HIF1A: variants seen among roughly 807,000 people sequenced by gnomAD.
The protein encoded by HIF1A is hypoxia-inducible factor 1-alpha.
A neutral mutation model predicts 92.7 loss-of-function variants in HIF1A; 24 were observed. That is an observed-to-expected ratio of 0.26 (90% confidence interval 0.19 to 0.36). The LOEUF (loss-of-function observed/expected upper bound fraction) is 0.36. HIF1A is among the 10% of genes least tolerant of loss of function. The probability of loss-of-function intolerance (pLI) is 1.00; values close to 1 mark genes in which losing one functional copy is unlikely to be tolerated. For synonymous variants in HIF1A, 319 were observed against 338.7 expected (o/e 0.94, Z 0.64); for missense variants, 799 against 998.5 (o/e 0.80, Z 2.69).
intron 4 of HIF1A, among the ~76,000 whole-genome samples, chr14:61,725,428 T>G (rs1240487415): frequency 6.6e-6 from 1 of 152,202 alleles, no homozygotes; most frequent in Non-Finnish European, 1.5e-5. Flanking sequence ...TTAATTTTTT[T>G]TTTTGAGACA....
intron 1 of HIF1A, among the ~76,000 whole-genome samples, chr14:61,710,134 C>T (rs937942356): frequency 2.6e-5 from 4 of 151,876 alleles, no homozygotes; most frequent in Non-Finnish European, 5.9e-5. Flanking sequence ...TTTTGTATAG[C>T]CTGCTCTGTT....
intron 1 of HIF1A, among the ~76,000 whole-genome samples, chr14:61,719,850 C>T (rs1326536575): frequency 6.6e-6 from 1 of 152,220 alleles, no homozygotes; most frequent in Admixed American, 6.5e-5. Flanking sequence ...TATAGCTTAT[C>T]GTCAGTGTTA....
At chr14:61,728,548 AAT>A (rs2044536126) in intron 6 of HIF1A, among the ~76,000 whole-genome samples, 1 of 152,242 alleles carries the variant, frequency 6.6e-6, no homozygotes, top group South Asian at 2.1e-4. Context: ...ATTGTGGTTT[AAT>A]ACACCACCAT....
chr14:61,725,054 T>C (rs1479225288), intron 4 of HIF1A, among the ~76,000 whole-genome samples: 1 of 152,188 alleles, frequency 6.6e-6, no homozygotes, highest in Middle Eastern at 3.2e-3. Flanking sequence ...CCTCTGTGCT[T>C]TTCATTCTCT....
intron 14 of HIF1A, among the ~76,000 whole-genome samples, chr14:61,746,224 C>CAAAA (rs912286333): frequency 1.4e-5 from 1 of 69,430 alleles, no homozygotes; most frequent in African/African-American, 6.5e-5. Flanking sequence ...GACTCTGCCT[C>CAAAA]AAAAAAAAAA....
chr14:61,727,537 T>C lies in HIF1A; in HGVS notation c.655T>C (p.Cys219Arg). ...TGGGTATAAGAAACCACCTATGACC[T>C]GCTTGGTGCTGATTTGTGAACCCAT... ...QCGYKKPPMT[C>R]LVLICEPIPH... is the part of the protein sequence containing the mutation. The change falls in exon 6 of 15, where the codon TGC becomes CGC. Residue 219 changes from cysteine to arginine, a missense_variant. Coordinates refer to ENST00000337138, the MANE Select transcript of HIF1A (RefSeq NM_001530.4). 1 of 1,613,854 alleles carries C rather than the reference T, an allele frequency of 6.2e-7. No homozygotes were observed. Among genetic ancestry groups the C allele is most frequent in the Non-Finnish European group, 8.5e-7 (1 of 1,179,750 alleles).
At chr14:61,738,478 TTGTG>T (rs2044666657) in intron 10 of HIF1A, 105 bp downstream of exon 10, 2 of 1,058,262 alleles carry the variant, frequency 1.9e-6, no homozygotes, top group African/African-American at 3.2e-5. Flanking sequence ...CAAATTACAT[TTGTG>T]TGTGTGTTTG....
chr14:61,697,764 T>G (rs1257497785), intron 1 of HIF1A: 6 of 1,430,210 alleles, frequency 4.2e-6, no homozygotes, highest in Non-Finnish European at 5.5e-6. Context: ...TAGATGACCT[T>G]TTCTAACTAA....
chr14:61,707,709 T>C (rs964547103), intron 1 of HIF1A, among the ~76,000 whole-genome samples: 1 of 150,834 alleles, frequency 6.6e-6, no homozygotes, highest in African/African-American at 2.4e-5. Flanking sequence ...TCTATCATTA[T>C]TGGACATTTG....
At chr14:61,737,140 TTG>T (rs1417170256) in intron 9 of HIF1A, 31 bp downstream of exon 9, 1 of 1,474,732 alleles carries the variant, frequency 6.8e-7, no homozygotes. Context: ...ATCCCCTAAA[TTG>T]TGTCTGTTGC....
intron 13 of HIF1A, among the ~76,000 whole-genome samples, chr14:61,745,067 A>C (rs2044761989): frequency 6.6e-6 from 1 of 151,954 alleles, no homozygotes; most frequent in Non-Finnish European, 1.5e-5. Flanking sequence ...TTCTCCCCTT[A>C]CTCCACCCTG....
chr14:61,701,244 G>A (rs909331740), intron 1 of HIF1A, among the ~76,000 whole-genome samples: 2 of 152,042 alleles, frequency 1.3e-5, no homozygotes, highest in African/African-American at 4.8e-5. Flanking sequence ...ACCTTAACCG[G>A]TTACAGTTTT....
At chr14:61,716,714 C>T (rs1174254786) in intron 1 of HIF1A, among the ~76,000 whole-genome samples, 2 of 152,016 alleles carry the variant, frequency 1.3e-5, no homozygotes, top group African/African-American at 2.4e-5. Flanking sequence ...GAACTTTGTA[C>T]ACAAGAAGCT....
intron 1 of HIF1A, among the ~76,000 whole-genome samples, chr14:61,703,884 G>A (rs1462113208): frequency 1.3e-5 from 2 of 152,122 alleles, no homozygotes; most frequent in African/African-American, 4.8e-5. Context: ...TCTACCAAGT[G>A]TAGTCATTCT....
At chr14:61,713,188 C>CT (rs1168311792) in intron 1 of HIF1A, among the ~76,000 whole-genome samples, 2 of 152,164 alleles carry the variant, frequency 1.3e-5, no homozygotes, top group African/African-American at 4.8e-5. Flanking sequence ...GGAGGGCTTC[C>CT]TTTTAAATAA....
At chr14:61,696,528 C>G (rs1244278071) in intron 1 of HIF1A, among the ~76,000 whole-genome samples, 1 of 152,124 alleles carries the variant, frequency 6.6e-6, no homozygotes. Flanking sequence ...GAAAAACTTG[C>G]CTAGACTGAG....
chr14:61,707,683 CA>C (rs1594859676), intron 1 of HIF1A, among the ~76,000 whole-genome samples: 1 of 151,422 alleles, frequency 6.6e-6, no homozygotes, highest in East Asian at 1.9e-4. Context: ...ATATGTGCCA[CA>C]TTTTCTTAAT....
intron 1 of HIF1A, among the ~76,000 whole-genome samples, chr14:61,704,098 T>C (rs542877991): frequency 3.3e-5 from 5 of 152,306 alleles, no homozygotes; most frequent in African/African-American, 1.2e-4. Context: ...AGGATTGTTA[T>C]GAGAATGAAA....
At chr14:61,737,373 C>T (rs1296338442) in intron 9 of HIF1A, among the ~76,000 whole-genome samples, 1 of 152,174 alleles carries the variant, frequency 6.6e-6, no homozygotes, top group Non-Finnish European at 1.5e-5. Context: ...CCTGGCTACT[C>T]TATTTCTGTA....
Sources: allele counts gnomAD v4.1 joint callset (sites outside exome capture counted in the v4.1 genomes callset), GRCh38; gene constraint gnomAD v4.1.1; transcripts MANE v1.5; gene names NCBI Gene and HGNC (gene_info 2026-07-23, HGNC 2026-07-21).